DLGAP1: variants seen among roughly 807,000 people sequenced by gnomAD.
DLGAP1 encodes the protein disks large-associated protein 1.
Under a neutral mutation model 90.8 loss-of-function variants are expected in DLGAP1, and 11 were observed. The observed-to-expected ratio is 0.12, with a 90% confidence interval of 0.08 to 0.20. DLGAP1 has a LOEUF of 0.20. DLGAP1 is among the 10% of genes least tolerant of loss of function. The pLI is 1.00. For synonymous variants in DLGAP1, 558 were observed against 540.7 expected (o/e 1.03, Z -0.44); for missense variants, 1,050 against 1,333.8 (o/e 0.79, Z 3.31).
At chr18:4,384,554 G>T (rs886262240) in intron 1 of DLGAP1, among the ~76,000 whole-genome samples, 3 of 152,070 alleles carry the variant, frequency 2.0e-5, no homozygotes, top group African/African-American at 7.2e-5. Context: ...AATAGTGTGA[G>T]TTTTCCTTTG....
intron 7 of DLGAP1, chr18:3,721,391 G>T (rs527666394): frequency 9.2e-5 from 14 of 152,286 alleles, no homozygotes; most frequent in Non-Finnish European, 1.6e-4. Context: ...TAGATCAGGG[G>T]ATTGGATATT....
At chr18:3,783,241 C>A (rs2065281827) in intron 5 of DLGAP1, among the ~76,000 whole-genome samples, 2 of 152,164 alleles carry the variant, frequency 1.3e-5, no homozygotes, top group African/African-American at 4.8e-5. Context: ...AACAGTCTGG[C>A]AGCTCCTCAG....
chr18:4,131,118 G>A (rs907143346), intron 2 of DLGAP1, among the ~76,000 whole-genome samples: 1 of 151,854 alleles, frequency 6.6e-6, no homozygotes, highest in African/African-American at 2.4e-5. Flanking sequence ...CAAGATAACT[G>A]CAGACATTCA....
At chr18:4,082,510 CAAAAAAA>C (rs59735494) in intron 2 of DLGAP1, among the ~76,000 whole-genome samples, 5 of 52,090 alleles carry the variant, frequency 9.6e-5, no homozygotes, top group East Asian at 1.5e-3. Context: ...GACTTTGTCT[CAAAAAAA>C]AAAAAAAAAA....
chr18:4,438,452 AAAG>A (rs2083454985), intron 1 of DLGAP1, among the ~76,000 whole-genome samples: 1 of 150,894 alleles, frequency 6.6e-6, no homozygotes, highest in Non-Finnish European at 1.5e-5. Flanking sequence ...AAAAAAAAAA[AAAG>A]AAATCTCATC....
At chr18:3,886,450 T>G (rs1034240813) in intron 3 of DLGAP1, among the ~76,000 whole-genome samples, 1 of 152,214 alleles carries the variant, frequency 6.6e-6, no homozygotes, top group Non-Finnish European at 1.5e-5. Context: ...TAGTTATTTT[T>G]AAAAGTGCGA....
At chr18:3,788,916 A>G (rs2065591340) in intron 5 of DLGAP1, among the ~76,000 whole-genome samples, 1 of 152,266 alleles carries the variant, frequency 6.6e-6, no homozygotes, top group African/African-American at 2.4e-5. Context: ...AACAACAGCC[A>G]CAACAAAACC....
intron 10 of DLGAP1, among the ~76,000 whole-genome samples, chr18:3,533,755 CT>C (rs1460688248): frequency 6.6e-6 from 1 of 151,902 alleles, no homozygotes; most frequent in Non-Finnish European, 1.5e-5. Flanking sequence ...GAATTATTTT[CT>C]TTTTTTATTT....
intron 1 of DLGAP1, among the ~76,000 whole-genome samples, chr18:4,336,776 G>C (rs1049086729): frequency 6.6e-6 from 1 of 152,050 alleles, no homozygotes; most frequent in Non-Finnish European, 1.5e-5. Context: ...GTTTGTTGTA[G>C]GGGCTTATAG....
intron 5 of DLGAP1, among the ~76,000 whole-genome samples, chr18:3,811,753 G>C (rs2066855477): frequency 6.6e-6 from 1 of 152,206 alleles, no homozygotes; most frequent in Non-Finnish European, 1.5e-5. Context: ...TTGGAGGAGG[G>C]TCATATTGTG....
intron 7 of DLGAP1, among the ~76,000 whole-genome samples, chr18:3,601,075 T>A (rs947431762): frequency 6.7e-6 from 1 of 148,778 alleles, no homozygotes; most frequent in East Asian, 2.0e-4. Context: ...TATAGATATA[T>A]AGATAGATAT....
chr18:4,246,558 C>G (rs1374039422), intron 1 of DLGAP1, among the ~76,000 whole-genome samples: 2 of 152,308 alleles, frequency 1.3e-5, no homozygotes, highest in Admixed American at 6.5e-5. Context: ...AGGGCCAGTG[C>G]TGGCCTGGGG....
In DLGAP1 at chr18:4,336,190, C is replaced by T. The variant is rs558576585; in HGVS notation, c.-267+118816G>A. Among the ~76,000 whole-genome samples, 23 of 152,320 alleles carry T rather than the reference C, an allele frequency of 1.5e-4. No homozygotes were observed. In the South Asian group the frequency reaches 4.6e-3, roughly 30 times the overall value. Reference sequence around the variant, plus strand: ...CTGCCCATTGGCACAGAAAAAGATACGTATGCACCATACAACTCCATTCTT... The same window carrying T: ...CTGCCCATTGGCACAGAAAAAGATATGTATGCACCATACAACTCCATTCTT... On this transcript the variant is annotated intron_variant, in intron 1 of 12. Transcript: ENST00000315677.
intron 7 of DLGAP1, among the ~76,000 whole-genome samples, chr18:3,710,846 G>A (rs994449947): frequency 6.6e-6 from 1 of 152,166 alleles, no homozygotes; most frequent in African/African-American, 2.4e-5. Context: ...GGGGTGGGTG[G>A]AAGCAGCGCC....
intron 1 of DLGAP1, among the ~76,000 whole-genome samples, chr18:4,208,064 A>C (rs1220684102): frequency 1.3e-5 from 2 of 152,222 alleles, no homozygotes; most frequent in African/African-American, 4.8e-5. Context: ...TTTCAGTGAA[A>C]GTACAGCTGC....
At chr18:3,702,915 C>T (rs1163738135) in intron 7 of DLGAP1, among the ~76,000 whole-genome samples, 1 of 152,010 alleles carries the variant, frequency 6.6e-6, no homozygotes, top group Non-Finnish European at 1.5e-5. Context: ...GATCCAAGTC[C>T]CAGAAAGGAG....
chr18:4,347,361 G>T (rs1009830925), intron 1 of DLGAP1, among the ~76,000 whole-genome samples: 1 of 152,098 alleles, frequency 6.6e-6, no homozygotes, highest in Admixed American at 6.6e-5. Flanking sequence ...CCAGAATAAC[G>T]TTGATACCTA....
intron 10 of DLGAP1, among the ~76,000 whole-genome samples, chr18:3,522,706 C>A (rs1293487754): frequency 1.3e-5 from 2 of 151,646 alleles, no homozygotes; most frequent in African/African-American, 4.9e-5. Context: ...CCACTCCTGG[C>A]TATTTTTTGT....
chr18:4,165,323 G>A (rs1232733345), intron 1 of DLGAP1, among the ~76,000 whole-genome samples: 5 of 152,096 alleles, frequency 3.3e-5, no homozygotes, highest in African/African-American at 7.2e-5. Context: ...GTGGCAAAAC[G>A]GTTTTCAAGT....
Sources: gnomAD v4.1 joint callset for allele counts (sites outside exome capture counted in the v4.1 genomes callset) on GRCh38, gnomAD v4.1.1 for gene constraint, MANE v1.5 for transcripts, NCBI Gene and HGNC (gene_info 2026-07-23, HGNC 2026-07-21) for gene names.